The following SPAG17 variants were observed in gnomAD, a reference collection of about 807,000 sequenced individuals.
SPAG17 encodes sperm associated antigen 17, also known as sperm-associated antigen 17.
A neutral mutation model predicts 273.6 loss-of-function variants in SPAG17; 169 were observed. The observed-to-expected ratio is 0.62, with a 90% CI of 0.55 to 0.70. SPAG17 has a LOEUF of 0.70. Ranked by LOEUF, SPAG17 falls within the 30% of genes least tolerant of loss-of-function variation. SPAG17 has a pLI of 0.00. For synonymous variants in SPAG17, 825 were observed against 873.2 expected (o/e 0.94, Z 0.97); for missense variants, 2,557 against 2,627.8 (o/e 0.97, Z 0.59).
chr1:118,156,007 C>T (rs1659630333), intron 1 of SPAG17, among the ~76,000 whole-genome samples: 1 of 152,150 alleles, frequency 6.6e-6, no homozygotes, highest in Non-Finnish European at 1.5e-5. Flanking sequence ...TTAAAATGGG[C>T]ATACGTTGTT....
chr1:118,075,802 T>C (rs1654033802), intron 15 of SPAG17, among the ~76,000 whole-genome samples: 1 of 152,148 alleles, frequency 6.6e-6, no homozygotes, highest in Non-Finnish European at 1.5e-5. Flanking sequence ...GGTCTTGCAC[T>C]TTCTTTCTCT....
chr1:118,075,320 T>G (rs1298247788), intron 15 of SPAG17, among the ~76,000 whole-genome samples: 1 of 152,198 alleles, frequency 6.6e-6, no homozygotes, highest in Non-Finnish European at 1.5e-5. Flanking sequence ...TATACTTATA[T>G]GATGATTGGG....
At chr1:118,069,583 G>A (rs1653364266) in intron 17 of SPAG17, among the ~76,000 whole-genome samples, 1 of 152,134 alleles carries the variant, frequency 6.6e-6, no homozygotes, top group African/African-American at 2.4e-5. Flanking sequence ...CTAAATTTGA[G>A]ATGGATACTA....
At chr1:118,005,805 T>G (rs1658819662) in intron 31 of SPAG17, among the ~76,000 whole-genome samples, 1 of 152,164 alleles carries the variant, frequency 6.6e-6, no homozygotes, top group South Asian at 2.1e-4. Context: ...AGGATATCAT[T>G]TCTCCTGTAT....
chr1:118,074,497 G>GATC, intron 16 of SPAG17, 42 bp downstream of exon 16: 1 of 1,523,734 alleles, frequency 6.6e-7, no homozygotes, highest in African/African-American at 1.4e-5. Context: ...GTTTTTCTCA[G>GATC]ATCATCTTGT....
At chr1:118,118,824 G>A (rs1395186303) in intron 3 of SPAG17, among the ~76,000 whole-genome samples, 1 of 152,176 alleles carries the variant, frequency 6.6e-6, no homozygotes, top group Non-Finnish European at 1.5e-5. Flanking sequence ...TTCTGTTAGG[G>A]AGCTTGTAAT....
chr1:118,085,054 A>G (rs1654877710), intron 13 of SPAG17, among the ~76,000 whole-genome samples: 1 of 152,132 alleles, frequency 6.6e-6, no homozygotes, highest in African/African-American at 2.4e-5. Context: ...TGGTTACAAG[A>G]TATCTACATC....
intron 42 of SPAG17, among the ~76,000 whole-genome samples, chr1:117,983,306 T>C (rs1486275784): frequency 6.6e-6 from 1 of 152,138 alleles, no homozygotes; most frequent in Non-Finnish European, 1.5e-5. Flanking sequence ...CCTCCCACAA[T>C]ACATGGGAAT....
chr1:118,125,374 GT>G (rs1448465619), intron 3 of SPAG17, among the ~76,000 whole-genome samples: 1 of 151,942 alleles, frequency 6.6e-6, no homozygotes, highest in Non-Finnish European at 1.5e-5. Flanking sequence ...TCATTTCTTT[GT>G]GTTAGGAACA....
At chr1:118,013,687 T>C (rs143694316) in intron 29 of SPAG17, among the ~76,000 whole-genome samples, 125 of 152,272 alleles carry the variant, frequency 8.2e-4, no homozygotes, top group African/African-American at 3.0e-3. Flanking sequence ...AGCGGTTTTT[T>C]ATCTAGTAGA....
chr1:118,148,380 G>A (rs552507742), intron 3 of SPAG17, among the ~76,000 whole-genome samples: 53 of 152,226 alleles, frequency 3.5e-4, no homozygotes, highest in South Asian at 2.1e-4. Context: ...CTCCACACTC[G>A]GCAAGGGTAC....
At chr1:118,050,184 A>T (rs1650839552) in intron 20 of SPAG17, among the ~76,000 whole-genome samples, 1 of 152,196 alleles carries the variant, frequency 6.6e-6, no homozygotes, top group South Asian at 2.1e-4. Flanking sequence ...CCAAGGGAAG[A>T]ATCATGGGAG....
chr1:118,168,230 T>G (rs1433338217), intron 1 of SPAG17, among the ~76,000 whole-genome samples: 3 of 152,140 alleles, frequency 2.0e-5, no homozygotes, highest in African/African-American at 7.2e-5. Context: ...CTAGTGTCTG[T>G]CTGGGTGAGT....
intron 3 of SPAG17, among the ~76,000 whole-genome samples, chr1:118,150,125 G>C (rs1021089512): frequency 1.3e-5 from 2 of 152,158 alleles, no homozygotes; most frequent in East Asian, 1.9e-4. Flanking sequence ...TCTTATACAA[G>C]AAACACTTTC....
chr1:118,067,472 AT>A (rs1470801389), intron 17 of SPAG17, among the ~76,000 whole-genome samples: 1 of 152,102 alleles, frequency 6.6e-6, no homozygotes, highest in Non-Finnish European at 1.5e-5. Context: ...TCCCTTCTCC[AT>A]CCCCACTCCC....
chr1:118,002,425 T>G (rs1658398318), intron 32 of SPAG17, among the ~76,000 whole-genome samples: 1 of 152,156 alleles, frequency 6.6e-6, no homozygotes, highest in South Asian at 2.1e-4. Context: ...CAGTGGGGTG[T>G]TAAAATCTCC....
intron 20 of SPAG17, among the ~76,000 whole-genome samples, chr1:118,042,747 T>C (rs1345409103): frequency 6.6e-6 from 1 of 152,188 alleles, no homozygotes; most frequent in Admixed American, 6.5e-5. Context: ...ACATAGAGCA[T>C]ACCCCAAGTA....
In SPAG17 at chr1:118,097,784, C is replaced by T. The variant is rs773282510; in HGVS notation, c.897G>A (p.Leu299=). 12 of 1,607,752 alleles carry T rather than the reference C, an allele frequency of 7.5e-6. No individual in the cohort carries two copies. The South Asian group carries it at 1.3e-4, about 18-fold the overall frequency. Reference sequence around the variant, plus strand: ...GTTTCTCATTATTCAGGACTGGTTCCAAGTACTTCCAGAAAGTTTTAAGCT... The same window carrying T: ...GTTTCTCATTATTCAGGACTGGTTCTAAGTACTTCCAGAAAGTTTTAAGCT... ...IKELKTFWKY[L]EPVLNNEKPE... The change falls in exon 7 of 49, where the codon TTG becomes TTA. Residue 299 remains leucine (L), a synonymous_variant. Coordinates refer to ENST00000336338, the MANE Select transcript of SPAG17 (RefSeq NM_206996.4).
chr1:117,959,599 G>A, intron 48 of SPAG17: 1 of 781,976 alleles, frequency 1.3e-6, no homozygotes, highest in Non-Finnish European at 1.9e-6. Context: ...CTTTGCCTGA[G>A]GGAATTCCAA....
Sources: gnomAD v4.1 joint callset for allele counts (sites outside exome capture counted in the v4.1 genomes callset) on GRCh38, gnomAD v4.1.1 for gene constraint, MANE v1.5 for transcripts, NCBI Gene and HGNC (gene_info 2026-07-23, HGNC 2026-07-21) for gene names.